VEPH1: variants seen among roughly 807,000 people sequenced by gnomAD.
The protein encoded by VEPH1 is ventricular zone expressed PH domain containing 1.
In VEPH1, 80 loss-of-function variants were observed where a neutral mutation model predicts 85.2. That is an observed-to-expected ratio of 0.94 (90% CI 0.78 to 1.13). The LOEUF (loss-of-function observed/expected upper bound fraction) is 1.13, where lower values mean the gene tolerates loss of function less well. VEPH1 is among the 50% of genes most tolerant of loss of function. The pLI, the probability that VEPH1 is intolerant of heterozygous loss-of-function variation, is 0.00. For synonymous variants in VEPH1, 297 were observed against 348.0 expected (o/e 0.85, Z 1.63); for missense variants, 955 against 980.5 (o/e 0.97, Z 0.35).
chr3:157,462,384 G>C (rs1399771365), intron 3 of VEPH1, among the ~76,000 whole-genome samples: 1 of 152,040 alleles, frequency 6.6e-6, no homozygotes, highest in Non-Finnish European at 1.5e-5. Context: ...ATACAGAATT[G>C]CATATTGTAT....
At chr3:157,490,862 GT>G (rs1739156665) in intron 2 of VEPH1, among the ~76,000 whole-genome samples, 1 of 152,084 alleles carries the variant, frequency 6.6e-6, no homozygotes, top group Admixed American at 6.6e-5. Flanking sequence ...CTGTAGCACT[GT>G]TTAAATAATA....
At chr3:157,461,934 TTCTAGTCA>T (rs1560081179) in intron 3 of VEPH1, among the ~76,000 whole-genome samples, 2 of 151,670 alleles carry the variant, frequency 1.3e-5, no homozygotes, top group African/African-American at 4.8e-5. Flanking sequence ...AATCAAGAAC[TTCTAGTCA>T]TCAAGAGATA....
At chr3:157,489,217 C>G in intron 2 of VEPH1, 1 of 456,294 alleles carries the variant, frequency 2.2e-6, no homozygotes, top group Non-Finnish European at 4.4e-6. Flanking sequence ...TCAGAACTCT[C>G]CAGTGGCTGC....
intron 7 of VEPH1, among the ~76,000 whole-genome samples, chr3:157,378,889 A>C (rs1189185488): frequency 2.6e-5 from 4 of 152,014 alleles, no homozygotes; most frequent in Admixed American, 6.6e-5. Flanking sequence ...ATAGGTGATC[A>C]CTTCCTCATA....
intron 7 of VEPH1, among the ~76,000 whole-genome samples, chr3:157,368,579 C>T (rs1378630706): frequency 1.3e-5 from 2 of 151,984 alleles, no homozygotes; most frequent in Admixed American, 1.3e-4. Context: ...GCAAGCTCTG[C>T]TTCGCGGGTT....
At chr3:157,475,326 AT>A (rs1160730584) in intron 2 of VEPH1, among the ~76,000 whole-genome samples, 1 of 151,960 alleles carries the variant, frequency 6.6e-6, no homozygotes, top group Non-Finnish European at 1.5e-5. Flanking sequence ...TTCCTAAGTC[AT>A]TAAATATATG....
At chr3:157,467,008 A>G (rs575814880) in intron 3 of VEPH1, among the ~76,000 whole-genome samples, 11 of 152,340 alleles carry the variant, frequency 7.2e-5, no homozygotes, top group African/African-American at 2.6e-4. Flanking sequence ...TTAGGGACCA[A>G]GAAAAGAAGT....
At chr3:157,396,365 TG>T (rs1339205234) in intron 6 of VEPH1, among the ~76,000 whole-genome samples, 1 of 152,250 alleles carries the variant, frequency 6.6e-6, no homozygotes, top group Non-Finnish European at 1.5e-5. Context: ...GTTGATTCCA[TG>T]TCTTTGCTAT....
chr3:157,324,752 A>G (rs560604088), intron 9 of VEPH1, among the ~76,000 whole-genome samples: 2 of 151,824 alleles, frequency 1.3e-5, no homozygotes, highest in Admixed American at 1.3e-4. Flanking sequence ...ATGGGCATTT[A>G]GGTTGATTCT....
At chr3:157,398,281 G>A (rs940266464) in intron 6 of VEPH1, among the ~76,000 whole-genome samples, 1 of 152,168 alleles carries the variant, frequency 6.6e-6, no homozygotes, top group African/African-American at 2.4e-5. Context: ...CAAATTTGGT[G>A]ATCTGTAGTC....
rs915599493 is a variant in VEPH1, at chr3:157,495,461, T to C, written c.-112A>G. On this transcript the variant is annotated 5_prime_UTR_variant, in exon 2 of 14. It removes an upstream start codon present in the reference 5' UTR. Coordinates refer to ENST00000362010, the MANE Select transcript of VEPH1 (RefSeq NM_001167912.2). ...AGAAGGAGGTATACTTCTTATTCCA[T>C]GAAAGGTCATTTTTCTCCAGACTTT... The C allele has an allele frequency of 1.3e-5, 19 of 1,510,860 alleles. No individual in the cohort carries two copies. The highest frequency in any genetic ancestry group is 1.5e-5 in the Non-Finnish European group (17 of 1,131,806). The allele number at this position is 1,510,860 out of a possible 1,614,324, so 93.6% of individuals were successfully genotyped here.
chr3:157,286,003 T>TTAG (rs1165797982), intron 12 of VEPH1, among the ~76,000 whole-genome samples: 2 of 152,250 alleles, frequency 1.3e-5, no homozygotes, highest in African/African-American at 4.8e-5. Flanking sequence ...GACTTGTATT[T>TTAG]GCTAACAATT....
intron 6 of VEPH1, among the ~76,000 whole-genome samples, chr3:157,404,117 C>T (rs1210174577): frequency 1.3e-5 from 2 of 152,152 alleles, no homozygotes; most frequent in African/African-American, 4.8e-5. Context: ...CACAACCTGC[C>T]ATGTCATCAG....
intron 13 of VEPH1, among the ~76,000 whole-genome samples, chr3:157,262,839 A>G (rs978901643): frequency 6.6e-6 from 1 of 152,232 alleles, no homozygotes; most frequent in Admixed American, 6.5e-5. Context: ...AGACATACAC[A>G]CTAGACAATA....
intron 1 of VEPH1, among the ~76,000 whole-genome samples, chr3:157,500,037 C>A (rs1739977585): frequency 6.6e-6 from 1 of 152,142 alleles, no homozygotes. Context: ...ATAAACAGAA[C>A]AAACTTCACA....
intron 5 of VEPH1, among the ~76,000 whole-genome samples, chr3:157,425,026 A>G (rs1732647022): frequency 6.6e-6 from 1 of 152,158 alleles, no homozygotes; most frequent in Non-Finnish European, 1.5e-5. Context: ...GGAAGAAAAA[A>G]TGGTTTCATG....
chr3:157,284,098 C>CT (rs1019210469), intron 12 of VEPH1, among the ~76,000 whole-genome samples: 2 of 152,160 alleles, frequency 1.3e-5, no homozygotes, highest in Non-Finnish European at 2.9e-5. Context: ...GTTCAGAATG[C>CT]TTTGGGTATG....
rs1375350151 is a variant in VEPH1 at position 157,443,893 on chromosome 3, A to T, written c.530-15405T>A. On this transcript the variant is annotated intron_variant, in intron 4 of 13. Coordinates refer to ENST00000362010, the MANE Select transcript of VEPH1 (RefSeq NM_001167912.2). ...CCATTTGACAATTCTAGGAGCTTAT[A>T]CAACTTTCTGTACTGTGTAACATAA... Among the ~76,000 whole-genome samples the T allele has an allele frequency of 2.0e-5, 3 of 152,236 alleles. No individual in the cohort carries two copies. In the East Asian group the frequency reaches 5.8e-4, roughly 29 times the overall value.
chr3:157,427,076 C>T (rs1732810901), intron 5 of VEPH1, among the ~76,000 whole-genome samples: 2 of 151,966 alleles, frequency 1.3e-5, no homozygotes, highest in Admixed American at 1.3e-4. Flanking sequence ...CAACCTTCGT[C>T]TCCCAAGTTC....
Sources: gnomAD v4.1 joint callset for allele counts (sites outside exome capture counted in the v4.1 genomes callset) on GRCh38, gnomAD v4.1.1 for gene constraint, MANE v1.5 for transcripts, NCBI Gene and HGNC (gene_info 2026-07-23, HGNC 2026-07-21) for gene names.